GAD2: variants seen among roughly 807,000 people sequenced by gnomAD.
GAD2 encodes the protein 65 kDa glutamic acid decarboxylase.
In GAD2, 22 loss-of-function variants were observed where a neutral mutation model predicts 80.1. That is an observed-to-expected ratio of 0.27 (90% CI 0.20 to 0.39). GAD2 has a LOEUF of 0.39. Ranked by LOEUF, GAD2 falls within the 10% of genes least tolerant of loss-of-function variation. GAD2 has a pLI of 1.00. For missense variants in GAD2, 624 were observed against 738.4 expected (o/e 0.85, Z 1.80); for synonymous variants, 274 against 256.9 (o/e 1.07, Z -0.64).
rs114054168 is a variant in GAD2 at position 26,259,696 on chromosome 10, T to A, written c.921-9423T>A. Among the ~76,000 whole-genome samples, 1,521 of 152,266 alleles carry A rather than the reference T, an allele frequency of 1.0e-2. 19 individuals are homozygous for A. The highest frequency in any genetic ancestry group is 0.034 in the African/African-American group (1,418 of 41,570). The stretch of plus-strand genomic sequence containing the variant: ...TTGATAGTATCTTTTGTTGTACAAG[T>A]TTTTAATGCTCATGAAGTCAAATTT... On this transcript the variant is annotated intron_variant, in intron 8 of 15. Transcript: ENST00000376261.
At position 26,217,857 on chromosome 10, in the gene GAD2, A is replaced by G. The variant is rs1169275792; in HGVS notation, c.152A>G (p.Asp51Gly). 1 of 1,605,970 alleles carries G rather than the reference A, an allele frequency of 6.2e-7. No individual in the cohort carries two copies. The highest frequency in any genetic ancestry group is 1.3e-5 in the African/African-American group (1 of 74,704). Reference protein sequence around the residue: ...GNKLCALLYGDAEKPAESGGS... With the variant: ...GNKLCALLYGGAEKPAESGGS... ...CCTTACCCAGCCCTGCTCTACGGAGACGCCGAGAAGCCGGCGGAGAGCGGC... is the reference window on the plus strand; with the variant it reads ...CCTTACCCAGCCCTGCTCTACGGAGGCGCCGAGAAGCCGGCGGAGAGCGGC... Residue 51 changes from aspartate to glycine, a missense_variant, in exon 3 of 16, where the codon GAC becomes GGC. Transcript: ENST00000376261. This position sits in a 1 kb window ranked among gnomAD's most constrained non-coding sequence, Gnocchi z 4.9.
intron 7 of GAD2, among the ~76,000 whole-genome samples, chr10:26,234,369 A>G (rs1359076508): frequency 2.0e-5 from 3 of 151,598 alleles, no homozygotes; most frequent in Admixed American, 6.6e-5. Flanking sequence ...ACCTTGTTTT[A>G]CAGATGAAGA....
chr10:26,295,508 GCACACACACACA>G (rs61216190), intron 15 of GAD2, among the ~76,000 whole-genome samples: 20 of 133,902 alleles, frequency 1.5e-4, no homozygotes, highest in Admixed American at 5.2e-4. Context: ...TCATACGCAT[GCACACACACACA>G]CACACACACA....
At chr10:26,238,785 G>T (rs1008826386) in intron 7 of GAD2, among the ~76,000 whole-genome samples, 2 of 152,050 alleles carry the variant, frequency 1.3e-5, no homozygotes, top group Non-Finnish European at 1.5e-5. Context: ...TTTAGCAAGA[G>T]AATGTTCTTT....
In GAD2 at chr10:26,303,246, T is replaced by C. The variant is rs1341403934; in HGVS notation, c.*2285T>C. On this transcript the variant is annotated 3_prime_UTR_variant, in exon 16 of 16. Transcript: ENST00000376261. ...AGCAAAACAATTCTAGCAACAACAATAGCTCTTCTTCCCCGCTCCCCTACC... is the reference window on the plus strand; with the variant it reads ...AGCAAAACAATTCTAGCAACAACAACAGCTCTTCTTCCCCGCTCCCCTACC... 1 of 151,334 alleles carries C rather than the reference T, an allele frequency of 6.6e-6. No individual in the cohort carries two copies. Among genetic ancestry groups the C allele is most frequent in the Non-Finnish European group, 1.5e-5 (1 of 68,048 alleles). The allele number at this position is 151,334 out of a possible 1,614,324, so 9.4% of individuals were successfully genotyped here. A position where few individuals can be genotyped will look rare whatever the true frequency, so the allele number is the denominator to read the frequency against.
chr10:26,218,148 G>C (rs932934929), intron 3 of GAD2, 157 bp downstream of exon 3: 6 of 782,486 alleles, frequency 7.7e-6, no homozygotes, highest in Admixed American at 3.4e-5. Flanking sequence ...CGAGAAATGC[G>C]GGACCTGCCC....
chr10:26,263,474 C>T (rs1425153139), intron 8 of GAD2, among the ~76,000 whole-genome samples: 2 of 152,180 alleles, frequency 1.3e-5, no homozygotes, highest in Non-Finnish European at 2.9e-5. Context: ...TTGGTATCAG[C>T]TATGTAAAGA....
chr10:26,282,062 C>T (rs989871335), intron 12 of GAD2, among the ~76,000 whole-genome samples: 5 of 152,274 alleles, frequency 3.3e-5, no homozygotes, highest in East Asian at 1.9e-4. Flanking sequence ...CATATCTCAG[C>T]CTCCCAAGTA....
chr10:26,280,976 G>T, intron 11 of GAD2, 33 bp from the exon 12 acceptor site: 1 of 1,535,030 alleles, frequency 6.5e-7, no homozygotes, highest in Non-Finnish European at 9.0e-7. Flanking sequence ...TCAGGGTGGA[G>T]TGCCACCCGC....
At chr10:26,245,834 A>C in intron 7 of GAD2, 87 bp from the exon 8 acceptor site, 2 of 1,066,388 alleles carry the variant, frequency 1.9e-6, no homozygotes, top group East Asian at 5.1e-5. Flanking sequence ...AATGAAAGGA[A>C]AAAAGGAAAA....
At chr10:26,239,982 C>G (rs1844720512) in intron 7 of GAD2, among the ~76,000 whole-genome samples, 1 of 152,180 alleles carries the variant, frequency 6.6e-6, no homozygotes, top group Non-Finnish European at 1.5e-5. Context: ...AGAGGCTTGT[C>G]CCTGAAACCC....
chr10:26,239,219 G>C (rs1844711127), intron 7 of GAD2, among the ~76,000 whole-genome samples: 1 of 152,218 alleles, frequency 6.6e-6, no homozygotes, highest in African/African-American at 2.4e-5. Flanking sequence ...GATGTCAGAA[G>C]AGTTAAGAGC....
At chr10:26,233,892 C>T (rs575260313) in intron 7 of GAD2, among the ~76,000 whole-genome samples, 4 of 152,160 alleles carry the variant, frequency 2.6e-5, no homozygotes, top group Non-Finnish European at 4.4e-5. Context: ...GACGCTGCTT[C>T]GGGTGTTCTC....
At chr10:26,297,011 T>G (rs1403543110) in intron 15 of GAD2, among the ~76,000 whole-genome samples, 1 of 152,054 alleles carries the variant, frequency 6.6e-6, no homozygotes, top group African/African-American at 2.4e-5. Context: ...ACCTCTCAGG[T>G]TCAAGTGATT....
intron 8 of GAD2, among the ~76,000 whole-genome samples, chr10:26,254,193 C>T (rs1174732828): frequency 3.3e-5 from 5 of 152,162 alleles, no homozygotes; most frequent in African/African-American, 9.7e-5. Flanking sequence ...CACGCCAGCA[C>T]GCCTGGCTAA....
chr10:26,275,157 G>A (rs1287083677), intron 11 of GAD2, among the ~76,000 whole-genome samples: 1 of 152,210 alleles, frequency 6.6e-6, no homozygotes, highest in African/African-American at 2.4e-5. Flanking sequence ...GAGAGAGAGA[G>A]AACAACTTGG....
intron 7 of GAD2, among the ~76,000 whole-genome samples, chr10:26,235,996 A>G (rs184120950): frequency 1.1e-4 from 17 of 152,334 alleles, no homozygotes; most frequent in South Asian, 6.2e-4. Flanking sequence ...CGCTCTTCAC[A>G]TGCCAAGCCT....
chr10:26,283,219 G>A (rs770455091), intron 12 of GAD2, among the ~76,000 whole-genome samples: 8 of 152,144 alleles, frequency 5.3e-5, no homozygotes, highest in South Asian at 2.1e-4. Context: ...AAATATTCAC[G>A]GACTGTTTGA....
intron 7 of GAD2, among the ~76,000 whole-genome samples, chr10:26,234,511 T>C (rs1436754210): frequency 6.6e-6 from 1 of 152,198 alleles, no homozygotes; most frequent in Non-Finnish European, 1.5e-5. Flanking sequence ...TTGCATTCAG[T>C]GTATTTTATT....
Sources: allele counts gnomAD v4.1 joint callset (sites outside exome capture counted in the v4.1 genomes callset), GRCh38; gene constraint gnomAD v4.1.1; non-coding constraint Gnocchi (gnomAD v3.1); transcripts MANE v1.5; gene names NCBI Gene and HGNC (gene_info 2026-07-23, HGNC 2026-07-21).